The following RTL3 variants were observed in gnomAD, a reference collection of about 807,000 sequenced individuals.
The protein encoded by RTL3 is retrotransposon Gag-like protein 3.
For synonymous variants in RTL3, 181 were observed against 132.2 expected (o/e 1.37, Z -2.53); for missense variants, 468 against 341.8 (o/e 1.37, Z -2.91).
At position 78,657,163 on chromosome X, in the gene RTL3, G is replaced by A. The variant is rs1923012382; in HGVS notation, c.1258C>T (p.Gln420Ter). 1 of 1,212,221 alleles carries A rather than the reference G, an allele frequency of 8.2e-7. No individual in the cohort carries two copies. ...DGPESPPAEN[Q>*]PMQAAINCPH... The stretch of plus-strand genomic sequence containing the variant: ...CAGTTGATTGCAGCCTGCATAGGTT[G>A]GTTTTCAGCTGGTGGACTCTCGGGT... Residue 420 changes from glutamine to a stop codon, truncating the protein, a stop_gained, in exon 2 of 2, where the codon CAA becomes TAA. Coordinates refer to ENST00000321110, the MANE Select transcript of RTL3 (RefSeq NM_152694.3). LOFTEE classifies it low-confidence loss of function (END_TRUNC).
Position 78,658,010 on chromosome X carries a change from C to T in RTL3, c.411G>A (p.Glu137=), listed in dbSNP as rs747453158. 5.9e-6 allele frequency: 7 copies of T among 1,179,044 alleles called. No homozygotes were observed. The highest frequency in any genetic ancestry group is 2.6e-5 in the Admixed American group (1 of 38,728). The part of the protein sequence containing the change: ...PMAHEIPTVL[E]GQGPANTQDA... ...CCTGGGTGTTTGCAGGCCCCTGGCC[C>T]TCCAAGACTGTTGGGATCTCATGGG... The change falls in exon 2 of 2, where the codon GAG becomes GAA. Residue 137 remains glutamate, a synonymous_variant. Transcript: ENST00000321110.
Position 78,659,314 on chromosome X carries a change from G to A in RTL3, c.-282C>T, listed in dbSNP as rs889842958. The A allele has an allele frequency of 9.0e-6, 1 of 110,833 alleles. No homozygotes were observed. The highest frequency in any genetic ancestry group is 1.9e-5 in the Non-Finnish European group (1 of 53,027). The allele number at this position is 110,833 out of a possible 1,213,427, so 9.1% of individuals were successfully genotyped here. On this transcript the variant is annotated 5_prime_UTR_variant, in exon 1 of 2. Transcript: ENST00000321110. ...CTGTCTGTGTACCCATTGCTGAGGA[G>A]GGAAATGTGTAAATGGCTGTGGAGG...
chrX:78,658,541 G>T lies in RTL3; in HGVS notation c.-121C>A. ...GTCAGGCTCAGTGAGTTTTCCAAGG[G>T]GTGGTATTTGGGCCCCGCCAAGGCT... On this transcript the variant is annotated 5_prime_UTR_variant, in exon 2 of 2. Coordinates refer to ENST00000321110, the MANE Select transcript of RTL3 (RefSeq NM_152694.3). The T allele has an allele frequency of 1.4e-6, 1 of 715,783 alleles. No homozygotes were observed. The highest frequency in any genetic ancestry group is 2.0e-6 in the Non-Finnish European group (1 of 503,692). The allele number at this position is 715,783 out of a possible 1,213,427, so 59.0% of individuals were successfully genotyped here. A position where few individuals can be genotyped will look rare whatever the true frequency, so the allele number is the denominator to read the frequency against.
chrX:78,657,250 T>A lies in RTL3; in HGVS notation c.1171A>T (p.Ser391Cys). ...TTGGGATCAGGCTTCTCTTCCAGGC[T>A]GATGCACTGAGTGATGAGATCAGAT... ...NLSDLITQCI[S>C]LEEKPDPNPL... is the part of the protein sequence containing the mutation. Residue 391 changes from serine to cysteine, a missense_variant, in exon 2 of 2, where the codon AGC (serine) becomes TGC (cysteine). Physicochemically the swap from Ser to Cys is moderately radical, Grantham distance 112. Transcript: ENST00000321110. The A allele has an allele frequency of 9.1e-6, 11 of 1,212,127 alleles. No individual in the cohort carries two copies. The highest frequency in any genetic ancestry group is 1.2e-5 in the Non-Finnish European group (11 of 895,613).
rs1423870178 is a variant in RTL3, at chrX:78,657,450, T to A, written c.971A>T (p.Asp324Val). The A allele has an allele frequency of 1.7e-6, 2 of 1,210,561 alleles. No individual in the cohort carries two copies. The highest frequency in any genetic ancestry group is 3.0e-5 in the East Asian group (1 of 33,810). Residue 324 changes from aspartate to valine, a missense_variant, in exon 2 of 2, where the codon GAT becomes GTT. Physicochemically the swap from Asp to Val is radical, Grantham distance 152. Transcript: ENST00000321110. The stretch of plus-strand genomic sequence containing the variant: ...GAGTTGATGGATGCACTGGTTGGCA[T>A]CTTTCATGTTTTCTGGATTATCAAA... ...DTFDNPENMKDANQCIHQLCQ... is the reference protein window; with the variant it reads ...DTFDNPENMKVANQCIHQLCQ...
rs754547672 is a variant in RTL3 at position 78,657,431 on chromosome X, A to G, written c.990T>C (p.His330=). ...ENMKDANQCI[H]QLCQGEGHVA... ...CATGACCCTCCCCTTGGCAGAGTTGATGGATGCACTGGTTGGCATCTTTCA... is the reference window on the plus strand; with the variant it reads ...CATGACCCTCCCCTTGGCAGAGTTGGTGGATGCACTGGTTGGCATCTTTCA... Residue 330 remains histidine, a synonymous_variant, in exon 2 of 2, where the codon CAT becomes CAC. Coordinates refer to ENST00000321110, the MANE Select transcript of RTL3 (RefSeq NM_152694.3). 8.3e-7 allele frequency: 1 copy of G among 1,211,549 alleles called. No individual in the cohort carries two copies. Among genetic ancestry groups the G allele is most frequent in the East Asian group, 3.0e-5 (1 of 33,827 alleles).
rs751150320 is a variant in RTL3, at chrX:78,656,800, C to T, written c.*193G>A. On this transcript the variant is annotated 3_prime_UTR_variant, in exon 2 of 2. Coordinates refer to ENST00000321110, the MANE Select transcript of RTL3 (RefSeq NM_152694.3). ...CAGCATCAGAGGGAAGATATTACTG[C>T]GGATGGGCAGCTTCTCTCGAAGAAC... 280 of 444,836 alleles carry T rather than the reference C, an allele frequency of 6.3e-4. 2 individuals carry two copies. The highest frequency in any genetic ancestry group is 5.1e-3 in the African/African-American group (206 of 40,771). 36.7% of individuals were successfully genotyped at this position (444,836 alleles called of 1,213,427 possible). A position where few individuals can be genotyped will look rare whatever the true frequency, so the allele number is the denominator to read the frequency against.
chrX:78,657,052 C>G lies in RTL3; in HGVS notation c.1369G>C (p.Asp457His), dbSNP rs1273550010. The change falls in exon 2 of 2, where the codon GAT (aspartate) becomes CAT (histidine). Residue 457 changes from aspartate to histidine, a missense_variant. By Grantham distance (81) the Asp-to-His change is moderately conservative. Transcript: ENST00000321110. ...GCCTGATGAGGCTTGACAGGGCAAT[C>G]TCTGGCAAAATGACCAGGATAACCA... ...YCGYPGHFAR[D>H]CPVKPHQALQ... is the part of the protein sequence containing the mutation. 4.1e-6 allele frequency: 5 copies of G among 1,210,927 alleles called. No homozygotes were observed. The highest frequency in any genetic ancestry group is 5.6e-6 in the Non-Finnish European group (5 of 895,392).
rs764425482 is a variant in RTL3 at position 78,657,389 on chromosome X, G to T, written c.1032C>A (p.His344Gln). ...CCCAGTTCAGCTCTTGAGCAATGAG[G>T]TGGAAGTGGGTTGCTACATGACCCT... ...QGEGHVATHF[H>Q]LIAQELNWDE... The change falls in exon 2 of 2, where the codon CAC becomes CAA. Residue 344 changes from histidine to glutamine, a missense_variant. Transcript: ENST00000321110. 9 of 1,211,999 alleles carry T rather than the reference G, an allele frequency of 7.4e-6. No individual in the cohort carries two copies. The South Asian group carries it at 1.6e-4, about 21-fold the overall frequency.
chrX:78,658,088 G>A lies in RTL3; in HGVS notation c.333C>T (p.Ala111=). ...TTGCTGGAGGCGCCAGGGACTCTGG[G>A]GCTGCTGGGGCCTCCTGGAGTTCCC... The part of the protein sequence containing the change: ...AAWELQEAPA[A]PESLAPPATR... The change falls in exon 2 of 2, where the codon GCC becomes GCT. Residue 111 remains alanine (A), a synonymous_variant. Transcript: ENST00000321110. 8.7e-7 allele frequency: 1 copy of A among 1,151,028 alleles called. No individual in the cohort carries two copies. Among genetic ancestry groups the A allele is most frequent in the Non-Finnish European group, 1.1e-6 (1 of 870,341 alleles). The allele number at this position is 1,151,028 out of a possible 1,213,427, so 94.9% of individuals were successfully genotyped here.
chrX:78,658,160 C>T lies in RTL3; in HGVS notation c.261G>A (p.Lys87=). ...QKTPEFKEPQ[K]PPEPQDLLPW... is the part of the protein sequence containing the mutation. ...GTAGAAGATCCTGTGGCTCTGGTGG[C>T]TTCTGGGGTTCCTTGAACTCTGGGG... Residue 87 remains lysine (K), a synonymous_variant, in exon 2 of 2, where the codon AAG becomes AAA. Transcript: ENST00000321110. The T allele has an allele frequency of 8.5e-7, 1 of 1,176,920 alleles. No individual in the cohort carries two copies. The highest frequency in any genetic ancestry group is 2.0e-5 in the South Asian group (1 of 50,277).
rs369388556 is a variant in RTL3 at position 78,658,196 on chromosome X, C to G, written c.225G>C (p.Glu75Asp). The G allele has an allele frequency of 8.8e-5, 106 of 1,198,332 alleles. No homozygotes were observed. The highest frequency in any genetic ancestry group is 1.2e-4 in the Non-Finnish European group (103 of 890,742). The change falls in exon 2 of 2, where the codon GAG becomes GAC. Residue 75 changes from glutamate to aspartate, a missense_variant. Transcript: ENST00000321110. Reference protein sequence around the residue: ...PEHMNPPAAWEAQKTPEFKEP... With the variant: ...PEHMNPPAAWDAQKTPEFKEP... ...CCTTGAACTCTGGGGTCTTTTGGGC[C>G]TCCCAGGCTGCTGGGGGATTCATGT...
chrX:78,656,544 C>T lies in RTL3; in HGVS notation c.*449G>A, dbSNP rs1162770202. ...CACGATTTCTTCTATTCCACCTGTG[C>T]CTGAAGCAATTGTAGTGACAATAAC... On this transcript the variant is annotated 3_prime_UTR_variant, in exon 2 of 2. Coordinates refer to ENST00000321110, the MANE Select transcript of RTL3 (RefSeq NM_152694.3). 1.7e-5 allele frequency: 2 copies of T among 117,481 alleles called. No individual in the cohort carries two copies. The highest frequency in any genetic ancestry group is 1.8e-4 in the Admixed American group (2 of 11,133). The allele number at this position is 117,481 out of a possible 1,213,427, so 9.7% of individuals were successfully genotyped here.
rs1191803046 is a variant in RTL3, at chrX:78,658,416, A to G, written c.5T>C (p.Val2Ala). The G allele has an allele frequency of 8.4e-7, 1 of 1,190,189 alleles. No homozygotes were observed. The highest frequency in any genetic ancestry group is 1.1e-6 in the Non-Finnish European group (1 of 884,768). Residue 2 changes from valine to alanine, a missense_variant, in exon 2 of 2, where the codon GTG becomes GCG. By Grantham distance (64) the Val-to-Ala change is moderately conservative. Coordinates refer to ENST00000321110, the MANE Select transcript of RTL3 (RefSeq NM_152694.3). ...AATATAGGAGGCTGCTAAGTCCTCC[A>G]CCATCTTTTGAGGAAATGGGTATGA... M[V>A]EDLAASYIVL...
Position 78,657,655 on chromosome X carries a change from C to A in RTL3, c.766G>T (p.Val256Phe). Residue 256 changes from valine to phenylalanine, a missense_variant, in exon 2 of 2, where the codon GTT (valine) becomes TTT (phenylalanine). Transcript: ENST00000321110. Reference sequence around the variant, plus strand: ...ACTCTCATGTAACTATACAGCTGAACCAGGAACTCAGGAAGCTTCTGGGAA... The same window carrying A: ...ACTCTCATGTAACTATACAGCTGAAACAGGAACTCAGGAAGCTTCTGGGAA... Reference protein sequence around the residue: ...GDSQKLPEFLVQLYSYMRVRG... With the variant: ...GDSQKLPEFLFQLYSYMRVRG... 1 of 1,208,142 alleles carries A rather than the reference C, an allele frequency of 8.3e-7. No homozygotes were observed. The highest frequency in any genetic ancestry group is 1.1e-6 in the Non-Finnish European group (1 of 893,706).
rs192655193 is a variant in RTL3 at position 78,656,981 on chromosome X, G to T, written c.*12C>A. The T allele has an allele frequency of 8.3e-7, 1 of 1,197,807 alleles. No individual in the cohort carries two copies. Among genetic ancestry groups the T allele is most frequent in the African/African-American group, 1.7e-5 (1 of 57,715 alleles). ...GACGCATATTTGTAGATTGGCCCAC[G>T]TGGGGTCCCCCTTACTGGCAGGCCT... On this transcript the variant is annotated 3_prime_UTR_variant, in exon 2 of 2. Coordinates refer to ENST00000321110, the MANE Select transcript of RTL3 (RefSeq NM_152694.3).
Position 78,657,940 on chromosome X carries a change from G to C in RTL3, c.481C>G (p.Pro161Ala). 8.3e-7 allele frequency: 1 copy of C among 1,208,771 alleles called. No homozygotes were observed. The highest frequency in any genetic ancestry group is 1.1e-6 in the Non-Finnish European group (1 of 894,684). Residue 161 changes from proline to alanine, a missense_variant, in exon 2 of 2, where the codon CCC (proline) becomes GCC (alanine). Pro to Ala is a conservative substitution (Grantham distance 27). Coordinates refer to ENST00000321110, the MANE Select transcript of RTL3 (RefSeq NM_152694.3). Reference protein sequence around the residue: ...QEPKNSEPQDPPNIEKPQEAP... With the variant: ...QEPKNSEPQDAPNIEKPQEAP... ...TCCTGGGGCTTCTCAATATTTGGGG[G>C]ATCCTGGGGTTCTGAATTCTTGGGC...
In RTL3 at chrX:78,658,100, C is replaced by G; in HGVS notation, c.321G>C (p.Glu107Asp). ...CCAGGGACTCTGGGGCTGCTGGGGC[C>G]TCCTGGAGTTCCCAGGCTGCTGGGG... ...WEPPAAWELQ[E>D]APAAPESLAP... Residue 107 changes from glutamate (E) to aspartate (D), a missense_variant, in exon 2 of 2, where the codon GAG becomes GAC. Transcript: ENST00000321110. The G allele has an allele frequency of 8.7e-7, 1 of 1,152,077 alleles. No individual in the cohort carries two copies. The highest frequency in any genetic ancestry group is 1.1e-6 in the Non-Finnish European group (1 of 870,921). 94.9% of individuals were successfully genotyped at this position (1,152,077 alleles called of 1,213,427 possible). A position where few individuals can be genotyped will look rare whatever the true frequency, so the allele number is the denominator to read the frequency against.
Position 78,657,562 on chromosome X carries a change from C to T in RTL3, c.859G>A (p.Ala287Thr), listed in dbSNP as rs926707806. The change falls in exon 2 of 2, where the codon GCA (alanine) becomes ACA (threonine). Residue 287 changes from alanine (A) to threonine (T), a missense_variant. By Grantham distance (58) the Ala-to-Thr change is moderately conservative. Transcript: ENST00000321110. Reference protein sequence around the residue: ...SFVGNCFSGRAGWWFQLLLDI... With the variant: ...SFVGNCFSGRTGWWFQLLLDI... Reference sequence around the variant, plus strand: ...AGTAAGAGCTGGAACCACCATCCTGCCCTACCTGAGAAGCAATTGCCAACA... The same window carrying T: ...AGTAAGAGCTGGAACCACCATCCTGTCCTACCTGAGAAGCAATTGCCAACA... The T allele has an allele frequency of 3.3e-6, 4 of 1,205,324 alleles. No homozygotes were observed. Among genetic ancestry groups the T allele is most frequent in the African/African-American group, 3.5e-5 (2 of 57,029 alleles).
Sources: gnomAD v4.1 joint callset for allele counts on GRCh38, gnomAD v4.1.1 for gene constraint, MANE v1.5 for transcripts, NCBI Gene and HGNC (gene_info 2026-07-23, HGNC 2026-07-21) for gene names.